CEP85: variants seen among roughly 807,000 people sequenced by gnomAD.
CEP85 encodes centrosomal protein 85, also known as centrosomal protein of 85 kDa.
CEP85 carries 58 observed loss-of-function variants against 93.7 expected under a neutral mutation model. That is an observed-to-expected ratio of 0.62 (90% CI 0.50 to 0.77). CEP85 has a LOEUF of 0.77. Ranked by LOEUF, CEP85 falls within the 30% of genes least tolerant of loss-of-function variation. The pLI, the probability that CEP85 is intolerant of heterozygous loss-of-function variation, is 0.00. For synonymous variants in CEP85, 314 were observed against 338.6 expected (o/e 0.93, Z 0.80); for missense variants, 868 against 922.0 (o/e 0.94, Z 0.76).
Position 26,276,957 on chromosome 1 carries a change from C to A in CEP85, c.2129-179C>A, listed in dbSNP as rs115433771. On this transcript the variant is annotated intron_variant, in intron 13 of 13. Transcript: ENST00000451429. ...TTGGAAACAAGCTATGGGGTACTTG[C>A]ATGCAGGACAAACTAAAAGTGGACC... Among the ~76,000 whole-genome samples the A allele has an allele frequency of 5.9e-3, 892 of 152,334 alleles. 7 individuals carry two copies. The highest frequency in any genetic ancestry group is 0.021 in the African/African-American group (869 of 41,564).
At chr1:26,234,970 A>G (rs546755025) in intron 1 of CEP85, among the ~76,000 whole-genome samples, 17 of 152,314 alleles carry the variant, frequency 1.1e-4, no homozygotes, top group African/African-American at 3.6e-4. Flanking sequence ...TACACAGCCT[A>G]CTGTGTGTAG....
Position 26,255,798 on chromosome 1 carries a change from A to C in CEP85, c.836A>C (p.Gln279Pro). The C allele has an allele frequency of 1.9e-6, 3 of 1,614,136 alleles. No homozygotes were observed. The highest frequency in any genetic ancestry group is 1.3e-5 in the African/African-American group (1 of 75,048). Residue 279 changes from glutamine (Q) to proline (P), a missense_variant, in exon 4 of 14, where the codon CAA (glutamine) becomes CCA (proline). Physicochemically the swap from Gln to Pro is moderately conservative, Grantham distance 76 (BLOSUM62 -1). Coordinates refer to ENST00000451429, the MANE Select transcript of CEP85 (RefSeq NM_001319944.2). ...CCTGACACTTGGCATCCCCGAGAGC[A>C]ATCTTGTGAACTCAGCACTTGTCGG... ...PSPDTWHPRE[Q>P]SCELSTCRQQ... is the part of the protein sequence containing the mutation.
chr1:26,275,816 G>A (rs142499721), intron 12 of CEP85, among the ~76,000 whole-genome samples: 13 of 152,246 alleles, frequency 8.5e-5, no homozygotes, highest in African/African-American at 2.6e-4. Flanking sequence ...TGGGACTGAA[G>A]GACGGACTCT....
intron 3 of CEP85, 104 bp from the exon 4 acceptor site, chr1:26,255,067 C>A: frequency 1.1e-6 from 1 of 887,348 alleles, no homozygotes; most frequent in Non-Finnish European, 1.8e-6. Flanking sequence ...ATGGTGCTCT[C>A]TCTGCTTGGT....
chr1:26,255,064 T>C, intron 3 of CEP85, 107 bp from the exon 4 acceptor site: 5 of 843,534 alleles, frequency 5.9e-6, no homozygotes, highest in Non-Finnish European at 9.5e-6. Flanking sequence ...ATGATGGTGC[T>C]CTCTCTGCTT....
intron 10 of CEP85, 26 bp downstream of exon 10, chr1:26,271,133 C>T (rs184146219): frequency 2.8e-4 from 398 of 1,396,806 alleles, no homozygotes; most frequent in Admixed American, 5.4e-4. Context: ...CAGGCTGTAA[C>T]GGAGGGTAGG....
intron 8 of CEP85, among the ~76,000 whole-genome samples, chr1:26,269,042 TTGACCTGAGTCACCCTGGTCACCTGCTC>T (rs1197916473): frequency 6.6e-6 from 1 of 152,182 alleles, no homozygotes; most frequent in Non-Finnish European, 1.5e-5. Context: ...GTCACCTGCT[TTGACCTGAGTCACCCTGGTCACCTGCTC>T]TGACCTAAGT....
chr1:26,259,542 G>A, intron 6 of CEP85, 75 bp from the exon 7 acceptor site: 3 of 1,325,176 alleles, frequency 2.3e-6, no homozygotes, highest in Non-Finnish European at 3.1e-6. Context: ...TGACCGTGAA[G>A]TATGCTGGGA....
chr1:26,242,238 A>C (rs1011016414), intron 2 of CEP85, among the ~76,000 whole-genome samples: 4 of 152,210 alleles, frequency 2.6e-5, no homozygotes, highest in Non-Finnish European at 5.9e-5. Flanking sequence ...TCCAGTAGGA[A>C]GTCAGGAAGA....
intron 9 of CEP85, 100 bp downstream of exon 9, chr1:26,269,714 C>A: frequency 3.3e-4 from 246 of 734,806 alleles, no homozygotes; most frequent in East Asian, 1.1e-3. Context: ...TTGGGAAAAT[C>A]ATTTTACTTA....
intron 3 of CEP85, among the ~76,000 whole-genome samples, chr1:26,251,277 G>A (rs1428219117): frequency 5.1e-5 from 7 of 137,742 alleles, no homozygotes; most frequent in Admixed American, 2.3e-4. Context: ...TTGAGGTGGA[G>A]TTTAGCTCTT....
chr1:26,248,981 T>A (rs1219109758), intron 3 of CEP85, among the ~76,000 whole-genome samples: 1 of 151,860 alleles, frequency 6.6e-6, no homozygotes, highest in African/African-American at 2.4e-5. Flanking sequence ...CCACCTCGGC[T>A]TCTCAAAGTG....
At chr1:26,246,684 G>A (rs1033225456) in intron 3 of CEP85, among the ~76,000 whole-genome samples, 30 of 151,156 alleles carry the variant, frequency 2.0e-4, no homozygotes, top group Admixed American at 1.2e-3. Flanking sequence ...AGGTGAGATC[G>A]TGCCATTGCA....
intron 9 of CEP85, among the ~76,000 whole-genome samples, chr1:26,270,671 T>A (rs936508883): frequency 2.5e-4 from 38 of 152,208 alleles, no homozygotes; most frequent in African/African-American, 6.8e-4. Context: ...AGAAAACAGC[T>A]TTTGTATTTT....
rs762388919 is a variant in CEP85, at chr1:26,255,341, G to A, written c.379G>A (p.Val127Met). The change falls in exon 4 of 14, where the codon GTG becomes ATG. Residue 127 changes from valine to methionine, a missense_variant. Coordinates refer to ENST00000451429, the MANE Select transcript of CEP85 (RefSeq NM_001319944.2). ...KLPLSGLAESVGMTRNGDLGA... is the reference protein window; with the variant it reads ...KLPLSGLAESMGMTRNGDLGA... ...CCCTTTGTCAGGGTTGGCTGAAAGT[G>A]TGGGAATGACAAGAAATGGAGACCT... 4 of 1,614,200 alleles carry A rather than the reference G, an allele frequency of 2.5e-6. No individual in the cohort carries two copies. The highest frequency in any genetic ancestry group is 3.4e-6 in the Non-Finnish European group (4 of 1,180,044).
chr1:26,263,319 T>C (rs538007385), intron 7 of CEP85: 2 of 315,674 alleles, frequency 6.3e-6, no homozygotes, highest in African/African-American at 2.2e-5. Context: ...CATCAGGGCT[T>C]GTATCATACT....
chr1:26,247,927 C>G (rs948638323), intron 3 of CEP85, among the ~76,000 whole-genome samples: 1 of 152,132 alleles, frequency 6.6e-6, no homozygotes, highest in African/African-American at 2.4e-5. Flanking sequence ...TTCCAAAGTG[C>G]TGGGATTACA....
At chr1:26,246,162 T>A (rs2089506227) in intron 3 of CEP85, among the ~76,000 whole-genome samples, 1 of 152,136 alleles carries the variant, frequency 6.6e-6, no homozygotes, top group African/African-American at 2.4e-5. Flanking sequence ...GAATGTAAAG[T>A]ATTGCAGCTG....
intron 1 of CEP85, among the ~76,000 whole-genome samples, chr1:26,234,735 A>T (rs2089298066): frequency 6.6e-6 from 1 of 152,220 alleles, no homozygotes; most frequent in African/African-American, 2.4e-5. Flanking sequence ...CGGAGAGGTC[A>T]GGGAGCCCTC....
Sources: gnomAD v4.1 joint callset for allele counts (sites outside exome capture counted in the v4.1 genomes callset) on GRCh38, gnomAD v4.1.1 for gene constraint, MANE v1.5 for transcripts, NCBI Gene and HGNC (gene_info 2026-07-23, HGNC 2026-07-21) for gene names.